The following LCOR variants were observed in gnomAD, a reference collection of about 807,000 sequenced individuals.
LCOR encodes ligand-dependent corepressor.
In LCOR, 14 loss-of-function variants were observed where a neutral mutation model predicts 64.4. That is an observed-to-expected ratio of 0.22 (90% CI 0.14 to 0.34). The LOEUF (loss-of-function observed/expected upper bound fraction) is 0.34. Among genes scored for constraint, LCOR ranks in the 10% least tolerant of loss-of-function variants. The pLI, the probability that LCOR is intolerant of heterozygous loss-of-function variation, is 1.00. For missense variants in LCOR, 1,686 were observed against 1,765.3 expected, an observed-to-expected ratio of 0.96 and a Z score of 0.80; for synonymous variants, 643 against 642.5, an observed-to-expected ratio of 1.00 and a Z score of -0.01.
chr10:96,846,392 A>G (rs1845630552), intron 2 of LCOR, among the ~76,000 whole-genome samples: 1 of 152,036 alleles, frequency 6.6e-6, no homozygotes, highest in Admixed American at 6.6e-5. Context: ...GGCTGGGACC[A>G]CAGGTGTGTA....
rs536333865 is a variant in LCOR at position 96,878,788 on chromosome 10, C to T, written c.-329-28477C>T. Among the ~76,000 whole-genome samples the T allele has an allele frequency of 2.6e-5, 4 of 152,136 alleles. No individual in the cohort carries two copies. The South Asian group carries it at 8.3e-4, about 32-fold the overall frequency. ...TGTGTTTTGTTTTGTTTTTCCTTCT[C>T]TCTTCTCCCCTCCCCTCCCCTCTTC... On this transcript the variant is annotated intron_variant, in intron 2 of 7. Transcript: ENST00000421806.
At chr10:96,908,419 G>C (rs1416695104) in intron 4 of LCOR, among the ~76,000 whole-genome samples, 1 of 152,226 alleles carries the variant, frequency 6.6e-6, no homozygotes, top group Non-Finnish European at 1.5e-5. Context: ...AAAAAGAACA[G>C]TAATGTAGAT....
intron 7 of LCOR, among the ~76,000 whole-genome samples, chr10:96,973,238 G>A (rs1034840171): frequency 2.0e-5 from 3 of 152,068 alleles, no homozygotes; most frequent in African/African-American, 7.2e-5. Context: ...CCCTTTCACT[G>A]CTTCTCCTAA....
chr10:96,860,005 GGA>G (rs1299605977), intron 2 of LCOR, among the ~76,000 whole-genome samples: 2 of 152,210 alleles, frequency 1.3e-5, no homozygotes, highest in African/African-American at 4.8e-5. Flanking sequence ...GCCCGCTTTT[GGA>G]GAGGGGCTTA....
intron 2 of LCOR, among the ~76,000 whole-genome samples, chr10:96,838,656 C>T (rs1845487414): frequency 6.6e-6 from 1 of 152,184 alleles, no homozygotes; most frequent in South Asian, 2.1e-4. Flanking sequence ...GCATTATCAG[C>T]ACTTTGTTTC....
chr10:96,968,276 C>T (rs750003525), intron 7 of LCOR, among the ~76,000 whole-genome samples: 36 of 152,106 alleles, frequency 2.4e-4, no homozygotes, highest in Non-Finnish European at 4.7e-4. Context: ...CAATGAGGTG[C>T]CCATAATACT....
In LCOR at chr10:96,981,341, G is replaced by A. The variant is rs746295089; in HGVS notation, c.881G>A (p.Gly294Glu). ...IPKILEGQTT[G>E]QEQDTNVNIC... is the part of the protein sequence containing the mutation. ...AAAATCTTGGAGGGGCAGACCACTGGACAAGAGCAAGACACAAATGTGAAC... is the reference window on the plus strand; with the variant it reads ...AAAATCTTGGAGGGGCAGACCACTGAACAAGAGCAAGACACAAATGTGAAC... Residue 294 changes from glycine (G) to glutamate (E), a missense_variant, in exon 8 of 8, where the codon GGA becomes GAA. Physicochemically the swap from Gly to Glu is moderately conservative, Grantham distance 98 (BLOSUM62 -2). Transcript: ENST00000421806. The A allele has an allele frequency of 6.2e-7, 1 of 1,613,058 alleles. No individual in the cohort carries two copies. Among genetic ancestry groups the A allele is most frequent in the African/African-American group, 1.3e-5 (1 of 75,038 alleles).
intron 4 of LCOR, 137 bp from the exon 5 acceptor site, chr10:96,943,976 T>G (rs977142119): frequency 3.5e-5 from 13 of 376,394 alleles, no homozygotes; most frequent in African/African-American, 1.5e-4. Context: ...TTCATAAAAT[T>G]TATACTGAAG....
At chr10:96,850,764 A>T (rs1845710016) in intron 2 of LCOR, among the ~76,000 whole-genome samples, 1 of 152,178 alleles carries the variant, frequency 6.6e-6, no homozygotes, top group Non-Finnish European at 1.5e-5. Flanking sequence ...ATTTTAAAAG[A>T]TTTGTGTTGA....
intron 4 of LCOR, among the ~76,000 whole-genome samples, chr10:96,920,792 G>A (rs10786315): frequency 0.79 from 97,223 of 123,786 alleles, 35,730 homozygotes; most frequent in South Asian, 0.83. Flanking sequence ...ACACACACAC[G>A]CGCGGTGGGG....
intron 2 of LCOR, among the ~76,000 whole-genome samples, chr10:96,903,148 G>C (rs1301167244): frequency 1.3e-5 from 2 of 152,140 alleles, no homozygotes; most frequent in Non-Finnish European, 2.9e-5. Context: ...GGAGAGTGCA[G>C]GACTGGAAGT....
chr10:96,879,722 C>T (rs753311399), intron 2 of LCOR, among the ~76,000 whole-genome samples: 17 of 152,056 alleles, frequency 1.1e-4, no homozygotes, highest in Non-Finnish European at 1.9e-4. Flanking sequence ...GAGTGCAGTG[C>T]GCGACGTTGG....
rs146517070 is a variant in LCOR, at chr10:96,920,216, A to G, written c.-184+12469A>G. Among the ~76,000 whole-genome samples the G allele has an allele frequency of 5.9e-5, 9 of 151,550 alleles. No homozygotes were observed. The East Asian group carries it at 1.7e-3, about 29-fold the overall frequency. ...GCCATGCTAATGAACGTGAAGTAGTATCTCGTTGTGGTTTTGGTTTGCAGT... is the reference window on the plus strand; with the variant it reads ...GCCATGCTAATGAACGTGAAGTAGTGTCTCGTTGTGGTTTTGGTTTGCAGT... On this transcript the variant is annotated intron_variant, in intron 4 of 7. Coordinates refer to ENST00000421806, the MANE Select transcript of LCOR (RefSeq NM_001346516.2).
chr10:96,938,583 A>C (rs1008038960), intron 4 of LCOR, among the ~76,000 whole-genome samples: 2 of 152,216 alleles, frequency 1.3e-5, no homozygotes, highest in African/African-American at 4.8e-5. Flanking sequence ...TTGCAAAAGA[A>C]GAGGTAAAAC....
At chr10:96,912,501 T>C (rs377076350) in intron 4 of LCOR, among the ~76,000 whole-genome samples, 11 of 152,340 alleles carry the variant, frequency 7.2e-5, no homozygotes, top group African/African-American at 2.4e-4. Context: ...ACTGATGTTG[T>C]ATCATTCTTC....
rs2134562492 is a variant in LCOR, at chr10:96,981,251, A to G, written c.791A>G (p.Asp264Gly). Reference sequence around the variant, plus strand: ...AATTCTATTAATAGCAGTTCAGTGGATAGTTTCACTCCGGGATACCTCACT... The same window carrying G: ...AATTCTATTAATAGCAGTTCAGTGGGTAGTTTCACTCCGGGATACCTCACT... ...KSNSINSSSV[D>G]SFTPGYLTAS... is the part of the protein sequence containing the mutation. Residue 264 changes from aspartate (D) to glycine (G), a missense_variant, in exon 8 of 8, where the codon GAT (aspartate) becomes GGT (glycine). Transcript: ENST00000421806. 1 of 976,312 alleles carries G rather than the reference A, an allele frequency of 1.0e-6. No homozygotes were observed. The highest frequency in any genetic ancestry group is 1.3e-5 in the South Asian group (1 of 74,206). 60.5% of individuals were successfully genotyped at this position (976,312 alleles called of 1,614,324 possible).
At chr10:96,904,388 A>AGT (rs1358076344) in intron 2 of LCOR, among the ~76,000 whole-genome samples, 7 of 152,204 alleles carry the variant, frequency 4.6e-5, no homozygotes, top group Non-Finnish European at 2.9e-5. Flanking sequence ...GCCAGCTAAC[A>AGT]GTAGGTAGGG....
intron 2 of LCOR, among the ~76,000 whole-genome samples, chr10:96,906,657 C>CT (rs149442985): frequency 0.017 from 2,647 of 151,780 alleles, 71 homozygotes; most frequent in African/African-American, 0.058. Flanking sequence ...ATTTTTTTCT[C>CT]TTTTTTTTGT....
At chr10:96,844,551 G>A (rs1273966889) in intron 2 of LCOR, among the ~76,000 whole-genome samples, 1 of 152,114 alleles carries the variant, frequency 6.6e-6, no homozygotes, top group East Asian at 1.9e-4. Context: ...GCTTTGACTA[G>A]AATACCTTGC....
Sources: allele counts gnomAD v4.1 joint callset (sites outside exome capture counted in the v4.1 genomes callset), GRCh38; gene constraint gnomAD v4.1.1; transcripts MANE v1.5; gene names NCBI Gene and HGNC (gene_info 2026-07-23, HGNC 2026-07-21).